GOLGA5: variants seen among roughly 807,000 people sequenced by gnomAD.
The protein encoded by GOLGA5 is golgin subfamily A member 5.
In GOLGA5, 50 loss-of-function variants were observed where a neutral mutation model predicts 93.5. The observed-to-expected ratio is 0.53, with a 90% CI of 0.43 to 0.68. The LOEUF is 0.68. Among genes scored for constraint, GOLGA5 ranks in the 30% least tolerant of loss-of-function variants. The pLI, the probability that GOLGA5 is intolerant of heterozygous loss-of-function variation, is 0.00. For synonymous variants in GOLGA5, 312 were observed against 304.5 expected (o/e 1.02, Z -0.26); for missense variants, 760 against 856.4 (o/e 0.89, Z 1.40).
chr14:92,816,652 C>G (rs1160675989), intron 7 of GOLGA5, among the ~76,000 whole-genome samples: 18 of 152,188 alleles, frequency 1.2e-4, no homozygotes. Flanking sequence ...GCCTCGAACT[C>G]CTGGGCTCAA....
At chr14:92,829,349 C>T (rs547348344) in intron 9 of GOLGA5, among the ~76,000 whole-genome samples, 1 of 152,042 alleles carries the variant, frequency 6.6e-6, no homozygotes, top group East Asian at 1.9e-4. Flanking sequence ...CAATTGAGAA[C>T]CTTCTGGAAA....
At position 92,808,619 on chromosome 14, in the gene GOLGA5, C is replaced by A. The variant is rs537999276; in HGVS notation, c.773-681C>A. ...CATGGGCCATGATCATGCCACTGCA[C>A]TCCAGCCGGGGCAACAGAGTGAGGC... On this transcript the variant is annotated intron_variant, in intron 3 of 12. Coordinates refer to ENST00000163416, the MANE Select transcript of GOLGA5 (RefSeq NM_005113.4). Among the ~76,000 whole-genome samples the A allele has an allele frequency of 3.4e-5, 5 of 149,118 alleles. No homozygotes were observed. In the South Asian group the frequency reaches 1.1e-3, roughly 32 times the overall value.
intron 8 of GOLGA5, among the ~76,000 whole-genome samples, chr14:92,820,831 T>G (rs12887265): frequency 0.064 from 9,718 of 152,306 alleles, 396 homozygotes; most frequent in South Asian, 0.097. Context: ...CACATGTTTT[T>G]GTGAGCTCAA....
In GOLGA5 at chr14:92,816,241, T is replaced by C; in HGVS notation, c.1321-10T>C. 1 of 1,590,214 alleles carries C rather than the reference T, an allele frequency of 6.3e-7. No individual in the cohort carries two copies. Among genetic ancestry groups the C allele is most frequent in the Non-Finnish European group, 8.6e-7 (1 of 1,160,798 alleles). ...TGCTTTGCTTAAACATATTTCTTCT[T>C]TTATAATAGTCTAAGGAAAAATTGA... On this transcript the variant is annotated splice_polypyrimidine_tract_variant and intron_variant, in intron 6 of 12. Transcript: ENST00000163416.
chr14:92,809,751 C>T (rs780661770), intron 4 of GOLGA5, among the ~76,000 whole-genome samples: 4 of 151,958 alleles, frequency 2.6e-5, no homozygotes, highest in Admixed American at 6.6e-5. Flanking sequence ...GTTGGGAGTT[C>T]GAGACCAGCC....
At position 92,839,714 on chromosome 14, in the gene GOLGA5, G is replaced by A; in HGVS notation, c.*268G>A. ...CCTAATATATATGTAGAGAAAGATG[G>A]TGGGGTTGTTCACCTCTGTACAGAC... On this transcript the variant is annotated 3_prime_UTR_variant, in exon 13 of 13. Transcript: ENST00000163416. The A allele has an allele frequency of 2.0e-6, 1 of 502,358 alleles. No homozygotes were observed. Among genetic ancestry groups the A allele is most frequent in the South Asian group, 2.9e-5 (1 of 34,424 alleles). The allele number at this position is 502,358 out of a possible 1,614,324, so 31.1% of individuals were successfully genotyped here. A position where few individuals can be genotyped will look rare whatever the true frequency, so the allele number is the denominator to read the frequency against.
At chr14:92,812,151 T>C (rs78923063) in intron 6 of GOLGA5, among the ~76,000 whole-genome samples, 486 of 152,348 alleles carry the variant, frequency 3.2e-3, no homozygotes, top group Middle Eastern at 0.014. Context: ...TCTAAGGTGA[T>C]CTTACCCTCT....
rs1321695318 is a variant in GOLGA5 at position 92,816,327 on chromosome 14, T to C, written c.1397T>C (p.Met466Thr). ...EGLDSSTASS[M>T]ELEELRHEKE... Reference sequence around the variant, plus strand: ...CTAGATAGCAGCACTGCCAGTAGCATGGAGCTGGAAGAACTTCGGCATGAG... The same window carrying C: ...CTAGATAGCAGCACTGCCAGTAGCACGGAGCTGGAAGAACTTCGGCATGAG... The change falls in exon 7 of 13, where the codon ATG (methionine) becomes ACG (threonine). Residue 466 changes from methionine (M) to threonine (T), a missense_variant. By Grantham distance (81) the Met-to-Thr change is moderately conservative (BLOSUM62 -1). Coordinates refer to ENST00000163416, the MANE Select transcript of GOLGA5 (RefSeq NM_005113.4). 1 of 1,613,930 alleles carries C rather than the reference T, an allele frequency of 6.2e-7. No homozygotes were observed. Among genetic ancestry groups the C allele is most frequent in the Non-Finnish European group, 8.5e-7 (1 of 1,179,810 alleles).
In GOLGA5 at chr14:92,809,294, TA is replaced by T; in HGVS notation, c.773-4del. On this transcript the variant is annotated splice_region_variant and splice_polypyrimidine_tract_variant and intron_variant, in intron 3 of 12. Transcript: ENST00000163416. ...CTTGTATAGAGAAATTTAAATTTTTTAATAGAATTAAACAAAGCAAGAGCAA... is the reference window on the plus strand; with the variant it reads ...CTTGTATAGAGAAATTTAAATTTTTTATAGAATTAAACAAAGCAAGAGCAA... 1.3e-6 allele frequency: 2 copies of T among 1,588,868 alleles called. No individual in the cohort carries two copies. The highest frequency in any genetic ancestry group is 1.7e-6 in the Non-Finnish European group (2 of 1,158,888).
At position 92,806,928 on chromosome 14, in the gene GOLGA5, C is replaced by G; in HGVS notation, c.737C>G (p.Ala246Gly). 3 of 1,609,132 alleles carry G rather than the reference C, an allele frequency of 1.9e-6. No homozygotes were observed. The highest frequency in any genetic ancestry group is 2.6e-6 in the Non-Finnish European group (3 of 1,175,518). ...GTTCAGTCTTTAAATCAAGAAATGGCCTCGTTACTCCAAAGATCCAAAGAG... is the reference window on the plus strand; with the variant it reads ...GTTCAGTCTTTAAATCAAGAAATGGGCTCGTTACTCCAAAGATCCAAAGAG... ...NEVQSLNQEM[A>G]SLLQRSKETQ... The change falls in exon 3 of 13, where the codon GCC (alanine) becomes GGC (glycine). Residue 246 changes from alanine to glycine, a missense_variant. Transcript: ENST00000163416.
intron 7 of GOLGA5, among the ~76,000 whole-genome samples, 195 bp downstream of exon 7, chr14:92,816,616 G>T (rs138182213): frequency 2.8e-4 from 43 of 152,214 alleles, no homozygotes; most frequent in African/African-American, 9.6e-4. Context: ...TCCCAGCCTG[G>T]AGTGGTGTGA....
intron 8 of GOLGA5, 151 bp downstream of exon 8, chr14:92,819,987 G>GT (rs1885283444): frequency 4.4e-6 from 3 of 677,538 alleles, no homozygotes; most frequent in Non-Finnish European, 7.5e-6. Flanking sequence ...ATCTGAAGGG[G>GT]TGGCCTGCCC....
intron 9 of GOLGA5, among the ~76,000 whole-genome samples, chr14:92,828,161 G>A (rs1359138427): frequency 6.6e-6 from 1 of 152,234 alleles, no homozygotes; most frequent in Non-Finnish European, 1.5e-5. Context: ...GGAAGAAAAT[G>A]CTATCTAGGA....
At chr14:92,837,658 G>A (rs1885675468) in intron 12 of GOLGA5, among the ~76,000 whole-genome samples, 3 of 151,992 alleles carry the variant, frequency 2.0e-5, no homozygotes, top group Admixed American at 2.0e-4. Context: ...CTACCTCCCA[G>A]GCTCAAGCCA....
intron 11 of GOLGA5, among the ~76,000 whole-genome samples, chr14:92,836,454 C>T (rs1178649762): frequency 1.3e-5 from 2 of 151,984 alleles, no homozygotes; most frequent in African/African-American, 2.4e-5. Context: ...ATTCAACATA[C>T]GTAGTTGTTA....
chr14:92,825,873 A>AC (rs1555405604), intron 9 of GOLGA5, among the ~76,000 whole-genome samples: 6 of 150,376 alleles, frequency 4.0e-5, no homozygotes, highest in Admixed American at 1.3e-4. Flanking sequence ...AAAAGAAAAA[A>AC]CAACCATAGG....
chr14:92,794,685 G>A (rs1884680940), intron 1 of GOLGA5, among the ~76,000 whole-genome samples: 1 of 152,188 alleles, frequency 6.6e-6, no homozygotes, highest in South Asian at 2.1e-4. Context: ...TGCCTGGCCT[G>A]GCCGTTCTTC....
chr14:92,810,282 A>G lies in GOLGA5; in HGVS notation c.1021A>G (p.Ser341Gly), dbSNP rs1203026126. 1.9e-6 allele frequency: 3 copies of G among 1,602,358 alleles called. No individual in the cohort carries two copies. Residue 341 changes from serine to glycine, a missense_variant, in exon 5 of 13, where the codon AGC becomes GGC. Physicochemically the swap from Ser to Gly is moderately conservative, Grantham distance 56 (BLOSUM62 0). Coordinates refer to ENST00000163416, the MANE Select transcript of GOLGA5 (RefSeq NM_005113.4). ...RIMQDQSEGN[S>G]LQNQALQTFQ... ...AATGCAGGATCAAAGTGAAGGTAACAGCCTGCAGAATCAAGCTCTGCAGAC... is the reference window on the plus strand; with the variant it reads ...AATGCAGGATCAAAGTGAAGGTAACGGCCTGCAGAATCAAGCTCTGCAGAC...
intron 10 of GOLGA5, among the ~76,000 whole-genome samples, chr14:92,834,192 TTTTA>T (rs1470709418): frequency 4.8e-4 from 68 of 141,546 alleles, no homozygotes; most frequent in African/African-American, 1.6e-3. Context: ...ACCTTTTTTT[TTTTA>T]TTTTATTTTT....
Sources: allele counts gnomAD v4.1 joint callset (sites outside exome capture counted in the v4.1 genomes callset), GRCh38; gene constraint gnomAD v4.1.1; transcripts MANE v1.5; gene names NCBI Gene and HGNC (gene_info 2026-07-23, HGNC 2026-07-21).